The following SYNPR variants were observed in gnomAD, a reference collection of about 807,000 sequenced individuals.
SYNPR encodes the protein synaptoporin.
Under a neutral mutation model 32.9 loss-of-function variants are expected in SYNPR, and 23 were observed. The ratio of observed to expected loss-of-function variants is 0.70; its 90% confidence interval spans 0.50 to 0.99. The LOEUF (loss-of-function observed/expected upper bound fraction) is 0.99. Ranked by LOEUF, SYNPR falls within the 50% of genes least tolerant of loss-of-function variation. SYNPR has a pLI of 0.00. For missense variants in SYNPR, 318 were observed against 349.3 expected (o/e 0.91, Z 0.71); for synonymous variants, 146 against 135.9 (o/e 1.07, Z -0.52).
intron 1 of SYNPR, among the ~76,000 whole-genome samples, chr3:63,235,862 T>C (rs765360089): frequency 2.0e-5 from 3 of 152,152 alleles, no homozygotes; most frequent in African/African-American, 4.8e-5. Context: ...ATCAAAAGTT[T>C]TTCATTTTGA....
At chr3:63,562,361 C>T (rs1702705795) in intron 4 of SYNPR, among the ~76,000 whole-genome samples, 1 of 152,184 alleles carries the variant, frequency 6.6e-6, no homozygotes, top group African/African-American at 2.4e-5. Flanking sequence ...TCTCATGTTT[C>T]AGTGAATCTG....
intron 2 of SYNPR, among the ~76,000 whole-genome samples, chr3:63,441,743 G>A (rs6777067): frequency 0.23 from 34,453 of 152,056 alleles, 4,213 homozygotes; most frequent in South Asian, 0.4. Flanking sequence ...CATGGGGCAT[G>A]TACAGTTTGA....
chr3:63,300,988 C>T (rs192974429), intron 2 of SYNPR, among the ~76,000 whole-genome samples: 5 of 152,048 alleles, frequency 3.3e-5, no homozygotes, highest in African/African-American at 9.6e-5. Context: ...CAAAGGAAGA[C>T]GTAGAGTGTT....
intron 5 of SYNPR, among the ~76,000 whole-genome samples, chr3:63,609,921 CA>C (rs1468795386): frequency 6.6e-6 from 1 of 151,842 alleles, no homozygotes; most frequent in Non-Finnish European, 1.5e-5. Flanking sequence ...AAAACAAAAA[CA>C]AAAAAACCTG....
At chr3:63,404,222 T>C (rs1165945767) in intron 2 of SYNPR, among the ~76,000 whole-genome samples, 1 of 152,200 alleles carries the variant, frequency 6.6e-6, no homozygotes, top group Non-Finnish European at 1.5e-5. Flanking sequence ...TTACGTTTTT[T>C]GAATAGCTAT....
At chr3:63,280,725 G>A (rs1044199418) in intron 2 of SYNPR, among the ~76,000 whole-genome samples, 1 of 149,896 alleles carries the variant, frequency 6.7e-6, no homozygotes, top group Non-Finnish European at 1.5e-5. Context: ...TTGGGGGAGG[G>A]GTGTGTGTGT....
At chr3:63,589,643 G>T (rs201309625) in intron 4 of SYNPR, among the ~76,000 whole-genome samples, 1 of 150,756 alleles carries the variant, frequency 6.6e-6, no homozygotes, top group Non-Finnish European at 1.5e-5. Flanking sequence ...ATGCAAGGCT[G>T]GTTCAATATA....
At chr3:63,570,400 A>T (rs1316622459) in intron 4 of SYNPR, among the ~76,000 whole-genome samples, 1 of 152,194 alleles carries the variant, frequency 6.6e-6, no homozygotes, top group African/African-American at 2.4e-5. Context: ...TCAGCATTCA[A>T]GGCCCTCCTA....
At chr3:63,585,927 C>G (rs1475671932) in intron 4 of SYNPR, among the ~76,000 whole-genome samples, 1 of 152,072 alleles carries the variant, frequency 6.6e-6, no homozygotes, top group Non-Finnish European at 1.5e-5. Flanking sequence ...TTCCATCTGT[C>G]AGAATAAAAA....
chr3:63,280,696 C>T (rs1179393022), intron 2 of SYNPR, among the ~76,000 whole-genome samples: 1 of 150,438 alleles, frequency 6.6e-6, no homozygotes, highest in Non-Finnish European at 1.5e-5. Context: ...TGCAAAATAC[C>T]GTTTTATAGC....
At chr3:63,216,864 T>C in the SYNPR span, among the ~76,000 whole-genome samples, 2 of 50,220 alleles carry the variant, frequency 4.0e-5, 1 homozygote, top group Non-Finnish European at 9.9e-5. Flanking sequence ...TCTTAGATGA[T>C]GGTGATGTAC....
At chr3:63,596,360 C>T (rs578164886) in intron 4 of SYNPR, among the ~76,000 whole-genome samples, 2 of 144,840 alleles carry the variant, frequency 1.4e-5, no homozygotes, top group African/African-American at 2.5e-5. Context: ...CTATCCTCCT[C>T]CTGTCTCCCC....
intron 2 of SYNPR, among the ~76,000 whole-genome samples, chr3:63,469,354 G>A (rs115784271): frequency 0.014 from 2,135 of 152,192 alleles, 30 homozygotes; most frequent in Non-Finnish European, 0.023. Flanking sequence ...GTGTGCATGA[G>A]CTCATCATGC....
chr3:63,210,335 C>T, the SYNPR span, among the ~76,000 whole-genome samples: 118,844 of 152,166 alleles, frequency 0.78, 46,907 homozygotes, highest in Middle Eastern at 0.87. Flanking sequence ...AGCAGAAAGC[C>T]AGCAGAGTCT....
intron 2 of SYNPR, among the ~76,000 whole-genome samples, chr3:63,293,209 T>C (rs2367786): frequency 0.46 from 70,602 of 152,008 alleles, 16,582 homozygotes; most frequent in Middle Eastern, 0.52. Flanking sequence ...TCAAGTCACA[T>C]AGGTGGTAAG....
In SYNPR at chr3:63,313,040, T is replaced by C. The variant is rs1673357002; in HGVS notation, c.84+34298T>C. Among the ~76,000 whole-genome samples, 3 of 152,002 alleles carry C rather than the reference T, an allele frequency of 2.0e-5. No individual in the cohort carries two copies. The South Asian group carries it at 6.2e-4, about 31-fold the overall frequency. The stretch of plus-strand genomic sequence containing the variant: ...TGTTCCTTTGTTATTGCCTGGTTCC[T>C]TCACAAACAGCAACTTCATAAGGGC... On this transcript the variant is annotated intron_variant, in intron 2 of 5. Coordinates refer to ENST00000478300, the MANE Select transcript of SYNPR (RefSeq NM_001130003.2).
chr3:63,283,071 C>T (rs2086644813), intron 2 of SYNPR, among the ~76,000 whole-genome samples: 1 of 152,142 alleles, frequency 6.6e-6, no homozygotes, highest in Admixed American at 6.5e-5. Context: ...TGATGGTAAA[C>T]TGTGGTATGC....
chr3:63,380,941 A>G (rs1277164859), intron 2 of SYNPR, among the ~76,000 whole-genome samples: 4 of 152,152 alleles, frequency 2.6e-5, no homozygotes, highest in Non-Finnish European at 1.5e-5. Flanking sequence ...CCCACAGCCA[A>G]TATCATACTG....
At position 63,434,995 on chromosome 3, in the gene SYNPR, C is replaced by T. The variant is rs539938852; in HGVS notation, c.85-45837C>T. 2.6e-5 allele frequency among the ~76,000 whole-genome samples: 4 copies of T among 152,192 alleles called. No individual in the cohort carries two copies. In the South Asian group the frequency reaches 8.3e-4, roughly 32 times the overall value. ...GTTTATGGTGGGACCACTTTTAATC[C>T]CCTGTACCAGAAGAGTAGATAATTA... is the stretch of plus-strand genomic sequence containing the variant. On this transcript the variant is annotated intron_variant, in intron 2 of 5. Coordinates refer to ENST00000478300, the MANE Select transcript of SYNPR (RefSeq NM_001130003.2).
Sources: gnomAD v4.1 joint callset for allele counts (sites outside exome capture counted in the v4.1 genomes callset) on GRCh38, gnomAD v4.1.1 for gene constraint, MANE v1.5 for transcripts, NCBI Gene and HGNC (gene_info 2026-07-23, HGNC 2026-07-21) for gene names.